Variants in ZZZ3 observed in about 807,000 individuals in gnomAD.
The protein encoded by ZZZ3 is zinc finger ZZ-type containing 3.
Under a neutral mutation model 95.2 loss-of-function variants are expected in ZZZ3, and 22 were observed. That is an observed-to-expected ratio of 0.23 (90% CI 0.17 to 0.33). The LOEUF is 0.33. Among genes scored for constraint, ZZZ3 ranks in the 10% least tolerant of loss-of-function variants. The pLI is 1.00. For missense variants in ZZZ3, 885 were observed against 1,066.5 expected (o/e 0.83, Z 2.37); for synonymous variants, 335 against 358.9 (o/e 0.93, Z 0.75).
chr1:77,666,228 TTACAG>T (rs1266090043), intron 1 of ZZZ3, among the ~76,000 whole-genome samples: 2 of 151,602 alleles, frequency 1.3e-5, no homozygotes, highest in African/African-American at 4.8e-5. Flanking sequence ...TTCCAACACT[TTACAG>T]TATAAATTCA....
At chr1:77,671,180 G>T (rs965662318) in intron 1 of ZZZ3, among the ~76,000 whole-genome samples, 1 of 151,944 alleles carries the variant, frequency 6.6e-6, no homozygotes, top group African/African-American at 2.4e-5. Flanking sequence ...AAAAACTTTG[G>T]TCTTCTTTTA....
At chr1:77,582,898 GAGTTCAGACCA>G (rs906131805) in intron 6 of ZZZ3, among the ~76,000 whole-genome samples, 5 of 151,964 alleles carry the variant, frequency 3.3e-5, no homozygotes, top group African/African-American at 1.2e-4. Context: ...TTCGGGTCAG[GAGTTCAGACCA>G]ACCTGGCCAA....
intron 5 of ZZZ3, among the ~76,000 whole-genome samples, chr1:77,604,097 T>G (rs1664999948): frequency 6.6e-6 from 1 of 152,142 alleles, no homozygotes; most frequent in African/African-American, 2.4e-5. Flanking sequence ...GAGCCCAGGA[T>G]TCAAAGCTGC....
intron 5 of ZZZ3, among the ~76,000 whole-genome samples, chr1:77,621,728 G>C (rs958917050): frequency 1.3e-5 from 2 of 151,794 alleles, no homozygotes; most frequent in African/African-American, 4.8e-5. Context: ...AAGGCAGGAG[G>C]ATTTCCTGTG....
At chr1:77,567,370 G>A (rs1557683011) in intron 13 of ZZZ3, among the ~76,000 whole-genome samples, 3 of 152,076 alleles carry the variant, frequency 2.0e-5, no homozygotes, top group Non-Finnish European at 4.4e-5. Flanking sequence ...CCATACTATG[G>A]CCAAAATGAT....
intron 5 of ZZZ3, among the ~76,000 whole-genome samples, chr1:77,593,352 T>G (rs10782655): frequency 1 from 151,968 of 152,300 alleles, 75,818 homozygotes; most frequent in Middle Eastern, 1. Flanking sequence ...CATCTAATAC[T>G]AATGCTTAAT....
intron 6 of ZZZ3, among the ~76,000 whole-genome samples, chr1:77,582,351 T>C: frequency 6.6e-6 from 1 of 152,156 alleles, no homozygotes; most frequent in East Asian, 1.9e-4. Flanking sequence ...TAAGTACGAC[T>C]TCTAGTTGGA....
Position 77,575,133 on chromosome 1 carries a change from G to A in ZZZ3, c.2331+935C>T, listed in dbSNP as rs533624653. Among the ~76,000 whole-genome samples the A allele has an allele frequency of 2.6e-5, 4 of 152,226 alleles. No individual in the cohort carries two copies. In the East Asian group the frequency reaches 7.7e-4, roughly 29 times the overall value. Reference sequence around the variant, plus strand: ...TGGGAGGCAGAGGCTGCAGTGAGCCGAGATTGCACCACTGCACTCCTGCCT... The same window carrying A: ...TGGGAGGCAGAGGCTGCAGTGAGCCAAGATTGCACCACTGCACTCCTGCCT... On this transcript the variant is annotated intron_variant, in intron 12 of 14. Transcript: ENST00000370801.
At chr1:77,596,000 T>C (rs1557710007) in intron 5 of ZZZ3, among the ~76,000 whole-genome samples, 1 of 152,062 alleles carries the variant, frequency 6.6e-6, no homozygotes, top group African/African-American at 2.4e-5. Flanking sequence ...CTGGGTAGAA[T>C]TTCTGGGGAG....
intron 12 of ZZZ3, among the ~76,000 whole-genome samples, chr1:77,570,125 C>T (rs1206745038): frequency 6.6e-6 from 1 of 152,130 alleles, no homozygotes. Flanking sequence ...TTTTTTGAGA[C>T]AGAGTTTCAC....
At chr1:77,580,346 C>G (rs1048532204) in intron 9 of ZZZ3, 1 of 152,150 alleles carries the variant, frequency 6.6e-6, no homozygotes, top group African/African-American at 2.4e-5. Flanking sequence ...CACCTCCCTT[C>G]GACAACAAAA....
At chr1:77,636,104 T>C (rs572798156) in intron 4 of ZZZ3, among the ~76,000 whole-genome samples, 24 of 152,306 alleles carry the variant, frequency 1.6e-4, no homozygotes, top group Admixed American at 1.0e-3. Flanking sequence ...ATACATATTA[T>C]CTTTAATGTA....
chr1:77,622,195 T>C (rs986680623), intron 5 of ZZZ3, among the ~76,000 whole-genome samples: 1 of 150,572 alleles, frequency 6.6e-6, no homozygotes, highest in Non-Finnish European at 1.5e-5. Context: ...TAGTCCCAGC[T>C]ACTCAGGCAG....
At chr1:77,585,082 G>A (rs1662955851) in intron 5 of ZZZ3, 1 of 152,420 alleles carries the variant, frequency 6.6e-6, no homozygotes, top group Non-Finnish European at 1.5e-5. Context: ...CTCGCCCAGA[G>A]ACACATGACA....
At chr1:77,633,487 A>G (rs967995040) in intron 4 of ZZZ3, 82 bp from the exon 5 acceptor site, 4 of 847,336 alleles carry the variant, frequency 4.7e-6, no homozygotes, top group Admixed American at 3.3e-5. Flanking sequence ...TAACTTTTTA[A>G]TCCAAGTATA....
At chr1:77,570,038 A>G (rs1661218055) in intron 12 of ZZZ3, among the ~76,000 whole-genome samples, 1 of 152,224 alleles carries the variant, frequency 6.6e-6, no homozygotes, top group South Asian at 2.1e-4. Flanking sequence ...TTTATTTTAT[A>G]TCAAGTAAAC....
intron 5 of ZZZ3, among the ~76,000 whole-genome samples, chr1:77,606,433 G>A (rs1341048361): frequency 2.0e-5 from 3 of 152,190 alleles, no homozygotes; most frequent in African/African-American, 7.2e-5. Context: ...TGAAGGGAAG[G>A]ACACAAGCCT....
chr1:77,566,285 T>A (rs1660819527), intron 13 of ZZZ3, 104 bp from the exon 14 acceptor site: 3 of 735,890 alleles, frequency 4.1e-6, no homozygotes, highest in Non-Finnish European at 4.5e-6. Context: ...TCTTCTCTTC[T>A]CTCTCCATGC....
At chr1:77,626,094 T>C (rs1455334748) in intron 5 of ZZZ3, among the ~76,000 whole-genome samples, 3 of 152,170 alleles carry the variant, frequency 2.0e-5, no homozygotes, top group African/African-American at 4.8e-5. Flanking sequence ...TCTACAGTAG[T>C]TGAAACAAAA....
Sources: allele counts gnomAD v4.1 joint callset (sites outside exome capture counted in the v4.1 genomes callset), GRCh38; gene constraint gnomAD v4.1.1; transcripts MANE v1.5; gene names NCBI Gene and HGNC (gene_info 2026-07-23, HGNC 2026-07-21).